TNFRSF19: variants seen among roughly 807,000 people sequenced by gnomAD.
TNFRSF19 encodes the protein TNF receptor superfamily member 19, also known as tumor necrosis factor receptor superfamily member 19.
A neutral mutation model predicts 46.4 loss-of-function variants in TNFRSF19; 27 were observed. The observed-to-expected ratio is 0.58, with a 90% CI of 0.43 to 0.80. The LOEUF (loss-of-function observed/expected upper bound fraction) is 0.80. TNFRSF19 is among the 30% of genes least tolerant of loss of function. The pLI is 0.00. For missense variants in TNFRSF19, 511 were observed against 530.8 expected (o/e 0.96, Z 0.37); for synonymous variants, 204 against 205.0 (o/e 1.00, Z 0.04).
chr13:23,660,548 G>T (rs1045045285), intron 7 of TNFRSF19, 58 bp downstream of exon 7: 5 of 1,580,454 alleles, frequency 3.2e-6, no homozygotes, highest in Non-Finnish European at 4.3e-6. Flanking sequence ...AGCTGAAGCA[G>T]CAAGAATTGG....
chr13:23,615,533 T>C (rs575168003), intron 3 of TNFRSF19, among the ~76,000 whole-genome samples: 5 of 152,222 alleles, frequency 3.3e-5, no homozygotes, highest in Non-Finnish European at 7.3e-5. Context: ...CGTTAGCTTC[T>C]GAGCATGCAC....
intron 5 of TNFRSF19, among the ~76,000 whole-genome samples, chr13:23,657,509 A>T (rs1255003481): frequency 1.3e-5 from 2 of 152,230 alleles, no homozygotes; most frequent in Admixed American, 1.3e-4. Flanking sequence ...AAGTGTGGCT[A>T]GTCTGAATTC....
chr13:23,590,353 G>A (rs1393994113), intron 2 of TNFRSF19, 101 bp downstream of exon 2: 46 of 712,254 alleles, frequency 6.5e-5, no homozygotes, highest in Non-Finnish European at 9.9e-5. Context: ...TATTTTTTTT[G>A]AGACAGAGTC....
At chr13:23,635,249 A>G (rs541196590) in intron 5 of TNFRSF19, among the ~76,000 whole-genome samples, 1 of 152,362 alleles carries the variant, frequency 6.6e-6, no homozygotes, top group African/African-American at 2.4e-5. Flanking sequence ...TAATTGAGTC[A>G]TCCTACTTGA....
chr13:23,575,640 T>G (rs972618332), intron 1 of TNFRSF19, among the ~76,000 whole-genome samples: 1 of 152,224 alleles, frequency 6.6e-6, no homozygotes, highest in African/African-American at 2.4e-5. Context: ...CACTCTCAAT[T>G]ACTAATTCAT....
Position 23,660,378 on chromosome 13 carries a change from A to C in TNFRSF19, c.624A>C (p.Ser208=), listed in dbSNP as rs3751364. The change falls in exon 7 of 10, where the codon TCA becomes TCC. Residue 208 remains serine, a synonymous_variant. Coordinates refer to ENST00000248484, the MANE Select transcript of TNFRSF19 (RefSeq NM_148957.4). ...CCCCTCATTTAGGGTCTCTGCGGTC[A>C]CAGGACATTCAGTACAACGGCTCTG... ...MEKKPSWSLR[S]QDIQYNGSEL... 6.2e-7 allele frequency: 1 copy of C among 1,613,310 alleles called. No homozygotes were observed. Among genetic ancestry groups the C allele is most frequent in the Non-Finnish European group, 8.5e-7 (1 of 1,179,732 alleles).
chr13:23,599,946 A>G (rs903844252), intron 3 of TNFRSF19, among the ~76,000 whole-genome samples: 1 of 152,150 alleles, frequency 6.6e-6, no homozygotes, highest in Non-Finnish European at 1.5e-5. Flanking sequence ...TCGTTTAAAG[A>G]TGATGACATT....
At chr13:23,594,242 C>T (rs1879531637) in intron 3 of TNFRSF19, 2 of 452,396 alleles carry the variant, frequency 4.4e-6, no homozygotes, top group South Asian at 3.1e-5. Flanking sequence ...TCTGGAACAC[C>T]AGCGAGACAG....
chr13:23,604,463 A>G (rs1880380807), intron 3 of TNFRSF19, among the ~76,000 whole-genome samples: 1 of 152,162 alleles, frequency 6.6e-6, no homozygotes, highest in African/African-American at 2.4e-5. Context: ...TGGAATCCCA[A>G]TCAAAGTCCC....
chr13:23,666,756 G>A (rs539505239), intron 7 of TNFRSF19, among the ~76,000 whole-genome samples: 18 of 152,246 alleles, frequency 1.2e-4, no homozygotes, highest in Admixed American at 2.0e-4. Context: ...CGAGTTCAGC[G>A]GGGTCAGAGC....
chr13:23,591,867 C>G (rs1273071028), intron 2 of TNFRSF19, among the ~76,000 whole-genome samples: 1 of 151,988 alleles, frequency 6.6e-6, no homozygotes, highest in Non-Finnish European at 1.5e-5. Context: ...GCTGGGACTA[C>G]AGGTGCGCAC....
rs546890211 is a variant in TNFRSF19, at chr13:23,673,572, A to G, written c.*192A>G. 5.4e-5 allele frequency: 68 copies of G among 1,258,864 alleles called. No homozygotes were observed. Among genetic ancestry groups the G allele is most frequent in the South Asian group, 7.1e-5 (2 of 28,154 alleles). 78.0% of individuals were successfully genotyped at this position (1,258,864 alleles called of 1,614,324 possible). A position where few individuals can be genotyped will look rare whatever the true frequency, so the allele number is the denominator to read the frequency against. ...AGACCAGCTGTAAGCTGAAACCTCA[A>G]TGAATAACAAGAAAAGACTCCAGGC... On this transcript the variant is annotated 3_prime_UTR_variant, in exon 10 of 10. Transcript: ENST00000248484.
rs182713004 is a variant in TNFRSF19 at position 23,596,508 on chromosome 13, A to G, written c.180+3053A>G. The stretch of plus-strand genomic sequence containing the variant: ...TTGCAAAAGACAAGGGAATTACATA[A>G]TGGTATAAGGGATCAATGCAACAAG... On this transcript the variant is annotated intron_variant, in intron 3 of 9. Coordinates refer to ENST00000248484, the MANE Select transcript of TNFRSF19 (RefSeq NM_148957.4). Among the ~76,000 whole-genome samples, 485 of 152,306 alleles carry G rather than the reference A, an allele frequency of 3.2e-3. 2 individuals are homozygous for G. Among genetic ancestry groups the G allele is most frequent in the African/African-American group, 0.011 (447 of 41,574 alleles).
chr13:23,643,621 AAC>A (rs143369758), intron 5 of TNFRSF19, among the ~76,000 whole-genome samples: 2,820 of 152,364 alleles, frequency 0.019, 24 homozygotes, highest in African/African-American at 0.025. Context: ...GTTTTCTTCC[AAC>A]ACACAGTAAC....
chr13:23,611,980 C>G (rs1880939098), intron 3 of TNFRSF19, among the ~76,000 whole-genome samples: 1 of 152,094 alleles, frequency 6.6e-6, no homozygotes. Flanking sequence ...TGCACTCACG[C>G]TAGGAGGATA....
At chr13:23,601,268 A>G (rs1299968591) in intron 3 of TNFRSF19, among the ~76,000 whole-genome samples, 3 of 152,212 alleles carry the variant, frequency 2.0e-5, no homozygotes, top group Non-Finnish European at 4.4e-5. Flanking sequence ...CCATATGTAC[A>G]GAGGAGCAGA....
intron 5 of TNFRSF19, among the ~76,000 whole-genome samples, chr13:23,627,038 T>A (rs1882060923): frequency 6.6e-6 from 1 of 152,176 alleles, no homozygotes; most frequent in Non-Finnish European, 1.5e-5. Flanking sequence ...ACTGCTCAGC[T>A]CCTTCTGAAG....
At chr13:23,664,494 C>T (rs541583725) in intron 7 of TNFRSF19, among the ~76,000 whole-genome samples, 21 of 152,270 alleles carry the variant, frequency 1.4e-4, no homozygotes, top group Non-Finnish European at 2.5e-4. Context: ...AGCCAACCAC[C>T]CTCTCTACAA....
At chr13:23,645,547 A>T (rs1009286298) in intron 5 of TNFRSF19, among the ~76,000 whole-genome samples, 5 of 152,082 alleles carry the variant, frequency 3.3e-5, no homozygotes, top group African/African-American at 1.2e-4. Flanking sequence ...CATCCCGCAA[A>T]GCCTTGGTTT....
Sources: allele counts gnomAD v4.1 joint callset (sites outside exome capture counted in the v4.1 genomes callset), GRCh38; gene constraint gnomAD v4.1.1; transcripts MANE v1.5; gene names NCBI Gene and HGNC (gene_info 2026-07-23, HGNC 2026-07-21).